Variants in TYW1B observed in about 807,000 individuals in gnomAD.
TYW1B encodes S-adenosyl-L-methionine-dependent tRNA 4-demethylwyosine synthase TYW1B.
TYW1B carries 73 observed loss-of-function variants against 86.9 expected under a neutral mutation model. The ratio of observed to expected loss-of-function variants is 0.84; its 90% CI spans 0.70 to 1.02. TYW1B has a LOEUF of 1.02. Among genes scored for constraint, TYW1B ranks in the 50% least tolerant of loss-of-function variants. The probability of loss-of-function intolerance (pLI) is 0.00; values close to 1 mark genes in which losing one functional copy is unlikely to be tolerated. For missense variants in TYW1B, 637 were observed against 827.4 expected (o/e 0.77, Z 2.82); for synonymous variants, 248 against 292.8 (o/e 0.85, Z 1.56).
intron 11 of TYW1B, among the ~76,000 whole-genome samples, chr7:72,679,985 G>A (rs1164231205): frequency 3.3e-5 from 5 of 152,224 alleles, no homozygotes; most frequent in Admixed American, 6.5e-5. Flanking sequence ...AAAATTAGCC[G>A]GGCGCAGTGG....
intron 11 of TYW1B, among the ~76,000 whole-genome samples, chr7:72,674,313 T>G (rs1256072378): frequency 1.3e-5 from 2 of 152,076 alleles, no homozygotes; most frequent in Non-Finnish European, 2.9e-5. Context: ...TGGTGTGACA[T>G]TGTGGGCCTC....
rs186359027 is a variant in TYW1B at position 72,666,165 on chromosome 7, G to A, written c.1506+28522C>T. On this transcript the variant is annotated intron_variant, in intron 11 of 13. Coordinates refer to ENST00000620995, the MANE Select transcript of TYW1B (RefSeq NM_001145440.3). Reference sequence around the variant, plus strand: ...ATGGTGGCTCACGCCTATAATCCCAGTACTTTGGGAGGTCCAGGTGGGCAG... The same window carrying A: ...ATGGTGGCTCACGCCTATAATCCCAATACTTTGGGAGGTCCAGGTGGGCAG... Among the ~76,000 whole-genome samples, 330 of 152,220 alleles carry A rather than the reference G, an allele frequency of 2.2e-3. 1 individual carries two copies. Among genetic ancestry groups the A allele is most frequent in the African/African-American group, 7.8e-3 (322 of 41,532 alleles).
At chr7:72,658,361 C>A (rs530613290) in intron 11 of TYW1B, among the ~76,000 whole-genome samples, 2 of 151,460 alleles carry the variant, frequency 1.3e-5, no homozygotes, top group East Asian at 3.9e-4. Flanking sequence ...AGGTAAAACA[C>A]ATTAAAAATA....
chr7:72,585,677 G>C (rs1811258081), intron 13 of TYW1B, among the ~76,000 whole-genome samples: 1 of 152,124 alleles, frequency 6.6e-6, no homozygotes, highest in Non-Finnish European at 1.5e-5. Context: ...ACGAAGGGGG[G>C]TTTCCCTGCA....
At chr7:72,788,078 C>T (rs1397803608) in intron 6 of TYW1B, among the ~76,000 whole-genome samples, 7 of 151,500 alleles carry the variant, frequency 4.6e-5, no homozygotes, top group Admixed American at 6.6e-5. Flanking sequence ...CCTGGGTTCA[C>T]GCCATTCTTC....
At chr7:72,774,160 C>A (rs1554470126) in intron 7 of TYW1B, among the ~76,000 whole-genome samples, 1 of 151,352 alleles carries the variant, frequency 6.6e-6, no homozygotes, top group South Asian at 2.1e-4. Flanking sequence ...GGGGGTAATG[C>A]CTGATGCTTA....
chr7:72,612,278 C>T (rs370078156), intron 13 of TYW1B, among the ~76,000 whole-genome samples: 1 of 152,116 alleles, frequency 6.6e-6, no homozygotes, highest in East Asian at 1.9e-4. Context: ...TGAATAATGA[C>T]CCACTGGGAC....
chr7:72,586,794 C>T (rs1443715987), intron 13 of TYW1B, among the ~76,000 whole-genome samples: 1 of 151,610 alleles, frequency 6.6e-6, no homozygotes, highest in Non-Finnish European at 1.5e-5. Flanking sequence ...CTAAGGCCTA[C>T]AAATAAAGAA....
intron 7 of TYW1B, among the ~76,000 whole-genome samples, chr7:72,767,488 T>C (rs1343349345): frequency 4.6e-5 from 7 of 151,926 alleles, no homozygotes; most frequent in East Asian, 1.9e-4. Flanking sequence ...CGGGCGCCTG[T>C]AGTCCCAGCT....
intron 7 of TYW1B, among the ~76,000 whole-genome samples, chr7:72,765,988 C>A (rs1554468257): frequency 6.6e-6 from 1 of 152,214 alleles, no homozygotes; most frequent in East Asian, 1.9e-4. Context: ...TCTCACTTGG[C>A]AGACTTGTAA....
chr7:72,762,469 ACT>A (rs1314984387), intron 7 of TYW1B, among the ~76,000 whole-genome samples: 1 of 151,888 alleles, frequency 6.6e-6, no homozygotes, highest in African/African-American at 2.4e-5. Context: ...CCTAGTTCTA[ACT>A]CTGCTGTTAG....
chr7:72,676,158 G>C (rs1813731096), intron 11 of TYW1B, among the ~76,000 whole-genome samples: 1 of 152,074 alleles, frequency 6.6e-6, no homozygotes, highest in Non-Finnish European at 1.5e-5. Context: ...TCCACTTTGG[G>C]CTATGTCAAA....
chr7:72,601,522 C>T (rs1811666288), intron 13 of TYW1B, among the ~76,000 whole-genome samples: 1 of 151,910 alleles, frequency 6.6e-6, no homozygotes, highest in Non-Finnish European at 1.5e-5. Flanking sequence ...GATATTTACC[C>T]AACTAATTTG....
At chr7:72,702,780 T>C (rs1814504628) in intron 10 of TYW1B, among the ~76,000 whole-genome samples, 1 of 152,054 alleles carries the variant, frequency 6.6e-6, no homozygotes, top group Admixed American at 6.6e-5. Context: ...GCAACCATTT[T>C]TTCGTGAATA....
At chr7:72,590,999 T>C (rs1409427805) in intron 13 of TYW1B, among the ~76,000 whole-genome samples, 1 of 151,788 alleles carries the variant, frequency 6.6e-6, no homozygotes, top group Non-Finnish European at 1.5e-5. Context: ...ATAGAAAACC[T>C]AAAAAGAAAC....
intron 7 of TYW1B, among the ~76,000 whole-genome samples, chr7:72,758,398 T>G (rs1787629485): frequency 6.6e-6 from 1 of 152,106 alleles, no homozygotes; most frequent in African/African-American, 2.4e-5. Flanking sequence ...ATTTATTATG[T>G]TCCCATTGCT....
At chr7:72,798,544 G>A (rs539261469) in intron 6 of TYW1B, among the ~76,000 whole-genome samples, 6 of 152,128 alleles carry the variant, frequency 3.9e-5, no homozygotes, top group South Asian at 4.1e-4. Context: ...ACCAGTATTC[G>A]ACAGAGTTGT....
chr7:72,722,944 C>T, intron 9 of TYW1B: 1 of 716,686 alleles, frequency 1.4e-6, no homozygotes, highest in South Asian at 1.4e-5. Context: ...GCGCTTCGAC[C>T]TTTACCAGCA....
intron 10 of TYW1B, among the ~76,000 whole-genome samples, chr7:72,701,323 G>T (rs1261607279): frequency 6.6e-6 from 1 of 151,350 alleles, no homozygotes; most frequent in South Asian, 2.1e-4. Context: ...GAGTGCAGTC[G>T]CATGATCATG....
Sources: gnomAD v4.1 joint callset for allele counts (sites outside exome capture counted in the v4.1 genomes callset) on GRCh38, gnomAD v4.1.1 for gene constraint, MANE v1.5 for transcripts, NCBI Gene and HGNC (gene_info 2026-07-23, HGNC 2026-07-21) for gene names.